The following GPR158 variants were observed in gnomAD, a reference collection of about 807,000 sequenced individuals.
The protein encoded by GPR158 is G protein-coupled receptor 158, also known as metabotropic glycine receptor.
Under a neutral mutation model 78.2 loss-of-function variants are expected in GPR158, and 30 were observed. That is an observed-to-expected ratio of 0.38 (90% CI 0.29 to 0.52). GPR158 has a LOEUF of 0.52. Ranked by LOEUF, GPR158 falls within the 20% of genes least tolerant of loss-of-function variation. The pLI, the probability that GPR158 is intolerant of heterozygous loss-of-function variation, is 0.83. For missense variants in GPR158, 1,463 were observed against 1,523.5 expected, an observed-to-expected ratio of 0.96 and a Z score of 0.66; for synonymous variants, 581 against 591.1, an observed-to-expected ratio of 0.98 and a Z score of 0.25.
chr10:25,402,780 ATC>A (rs111402374), intron 3 of GPR158, among the ~76,000 whole-genome samples: 2,118 of 152,122 alleles, frequency 0.014, 46 homozygotes, highest in African/African-American at 0.048. Flanking sequence ...CTTTCAGAAT[ATC>A]TGTTTAAATT....
At chr10:25,242,844 G>C (rs1391687117) in intron 2 of GPR158, among the ~76,000 whole-genome samples, 2 of 152,144 alleles carry the variant, frequency 1.3e-5, no homozygotes, top group Admixed American at 6.5e-5. Context: ...CATCCAAATA[G>C]AAATAAATGT....
At chr10:25,471,514 C>A (rs918813142) in intron 5 of GPR158, among the ~76,000 whole-genome samples, 1 of 152,158 alleles carries the variant, frequency 6.6e-6, no homozygotes, top group Admixed American at 6.5e-5. Context: ...ATTTCTAGTT[C>A]TAGATCCTTG....
chr10:25,272,329 G>A (rs996182566), intron 2 of GPR158, among the ~76,000 whole-genome samples: 1 of 152,162 alleles, frequency 6.6e-6, no homozygotes, highest in African/African-American at 2.4e-5. Context: ...TTTTCTTAAT[G>A]AAAGAAAATT....
intron 2 of GPR158, among the ~76,000 whole-genome samples, chr10:25,363,809 G>T (rs67018506): frequency 0.15 from 23,353 of 151,824 alleles, 2,050 homozygotes; most frequent in South Asian, 0.24. Context: ...ATCTAAGCAT[G>T]CTCAGGTTAC....
intron 2 of GPR158, among the ~76,000 whole-genome samples, chr10:25,360,956 T>A (rs146863102): frequency 5.3e-4 from 80 of 152,160 alleles, no homozygotes; most frequent in African/African-American, 1.9e-3. Flanking sequence ...AGTTTGTAGG[T>A]CTCCTTGAAG....
chr10:25,503,230 A>T (rs1197869745), intron 5 of GPR158, among the ~76,000 whole-genome samples: 1 of 151,904 alleles, frequency 6.6e-6, no homozygotes, highest in Non-Finnish European at 1.5e-5. Context: ...AATTATAATC[A>T]ACCGGACATG....
At chr10:25,593,463 A>G (rs1412016820) in intron 8 of GPR158, among the ~76,000 whole-genome samples, 2 of 152,050 alleles carry the variant, frequency 1.3e-5, no homozygotes, top group African/African-American at 4.8e-5. Flanking sequence ...TCAAGTGGCA[A>G]AATGTCATAT....
chr10:25,338,506 T>TA (rs1855254168), intron 2 of GPR158, among the ~76,000 whole-genome samples: 2 of 139,836 alleles, frequency 1.4e-5, no homozygotes, highest in Admixed American at 1.4e-4. Context: ...CGTATATATA[T>TA]TACGTATAAT....
chr10:25,377,856 T>G (rs1289565804), intron 2 of GPR158, among the ~76,000 whole-genome samples: 1 of 152,116 alleles, frequency 6.6e-6, no homozygotes, highest in Admixed American at 6.6e-5. Context: ...CATATTTTTA[T>G]GTAGACATAT....
chr10:25,374,393 T>C (rs1834046028), intron 2 of GPR158, among the ~76,000 whole-genome samples: 1 of 151,698 alleles, frequency 6.6e-6, no homozygotes, highest in Admixed American at 6.6e-5. Flanking sequence ...CTGTCATTGG[T>C]AACAGTCCAC....
chr10:25,401,888 T>A (rs1834451442), intron 3 of GPR158, among the ~76,000 whole-genome samples: 1 of 152,148 alleles, frequency 6.6e-6, no homozygotes, highest in Non-Finnish European at 1.5e-5. Flanking sequence ...AAAATCATAA[T>A]GTTTTAAAAA....
chr10:25,476,387 T>G (rs1433874933), intron 5 of GPR158, among the ~76,000 whole-genome samples: 1 of 151,408 alleles, frequency 6.6e-6, no homozygotes, highest in African/African-American at 2.4e-5. Context: ...AATAAGGGTT[T>G]TTTTTTTTTT....
chr10:25,383,480 G>T (rs1193034927), intron 2 of GPR158, among the ~76,000 whole-genome samples: 1 of 152,246 alleles, frequency 6.6e-6, no homozygotes, highest in East Asian at 1.9e-4. Context: ...TGAGGCACAA[G>T]GGGGGTTTCG....
chr10:25,358,583 A>G (rs1444745932), intron 2 of GPR158, among the ~76,000 whole-genome samples: 1 of 152,074 alleles, frequency 6.6e-6, no homozygotes, highest in Non-Finnish European at 1.5e-5. Flanking sequence ...GCAGCCATCC[A>G]TGTAAGATGT....
chr10:25,425,499 C>T (rs947019153), intron 4 of GPR158, among the ~76,000 whole-genome samples: 2 of 151,538 alleles, frequency 1.3e-5, no homozygotes, highest in Non-Finnish European at 2.9e-5. Flanking sequence ...CTATTCATGT[C>T]CTTAGCCCAC....
chr10:25,343,751 A>C (rs968963803), intron 2 of GPR158, among the ~76,000 whole-genome samples: 7 of 152,024 alleles, frequency 4.6e-5, no homozygotes, highest in Non-Finnish European at 1.0e-4. Flanking sequence ...CTACTTTTTG[A>C]AAACCATTGC....
chr10:25,517,536 A>G lies in GPR158; in HGVS notation c.1405-33440A>G, dbSNP rs369503186. ...TCATAGACAGCTCTTATTATTTTGA[A>G]ATACGTCCCATCAATACCTAATTTA... is the stretch of plus-strand genomic sequence containing the variant. On this transcript the variant is annotated intron_variant, in intron 5 of 10. Transcript: ENST00000376351. 5.8e-3 allele frequency among the ~76,000 whole-genome samples: 878 copies of G among 151,376 alleles called. 10 individuals carry two copies. Among genetic ancestry groups the G allele is most frequent in the African/African-American group, 0.021 (841 of 40,742 alleles).
chr10:25,550,842 T>C, intron 5 of GPR158, 134 bp from the exon 6 acceptor site: 1 of 621,554 alleles, frequency 1.6e-6, no homozygotes. Flanking sequence ...ATGGTCAAAA[T>C]AGTATTTTAA....
chr10:25,188,973 G>A (rs1481056557), intron 1 of GPR158, among the ~76,000 whole-genome samples: 1 of 152,146 alleles, frequency 6.6e-6, no homozygotes, highest in Middle Eastern at 3.2e-3. Context: ...AGTGGGCAAA[G>A]GACATGAATG....
Sources: allele counts gnomAD v4.1 joint callset (sites outside exome capture counted in the v4.1 genomes callset), GRCh38; gene constraint gnomAD v4.1.1; transcripts MANE v1.5; gene names NCBI Gene and HGNC (gene_info 2026-07-23, HGNC 2026-07-21).